FNBP4: variants seen among roughly 807,000 people sequenced by gnomAD.
FNBP4 encodes the protein formin binding protein 4.
Under a neutral mutation model 119.3 loss-of-function variants are expected in FNBP4, and 34 were observed. That is an observed-to-expected ratio of 0.28 (90% CI 0.22 to 0.38). FNBP4 has a LOEUF of 0.38. FNBP4 is among the 10% of genes least tolerant of loss of function. The pLI is 1.00. For missense variants in FNBP4, 1,112 were observed against 1,228.9 expected, an observed-to-expected ratio of 0.90 and a Z score of 1.42; for synonymous variants, 462 against 430.6, an observed-to-expected ratio of 1.07 and a Z score of -0.90.
chr11:47,761,219 G>A (rs535190817), intron 2 of FNBP4, among the ~76,000 whole-genome samples: 2 of 152,270 alleles, frequency 1.3e-5, no homozygotes, highest in South Asian at 2.1e-4. Context: ...AAAATACAGT[G>A]TATATACTGT....
intron 15 of FNBP4, among the ~76,000 whole-genome samples, chr11:47,722,562 C>A (rs1182625953): frequency 1.3e-5 from 2 of 151,844 alleles, no homozygotes; most frequent in African/African-American, 4.8e-5. Flanking sequence ...TAAGGTCCCC[C>A]CACTGAGAAA....
chr11:47,731,263 T>C (rs2097567057), intron 12 of FNBP4, 111 bp downstream of exon 12: 5 of 1,080,778 alleles, frequency 4.6e-6, no homozygotes, highest in Non-Finnish European at 6.5e-6. Context: ...ACCACTATTC[T>C]CAATCAGAAG....
intron 6 of FNBP4, among the ~76,000 whole-genome samples, chr11:47,747,598 T>C (rs1326445724): frequency 6.6e-6 from 1 of 151,802 alleles, no homozygotes; most frequent in Non-Finnish European, 1.5e-5. Context: ...TGAGCCACCA[T>C]GCTGGGCCTG....
At chr11:47,738,773 T>C (rs944824087) in intron 8 of FNBP4, among the ~76,000 whole-genome samples, 1 of 150,470 alleles carries the variant, frequency 6.6e-6, no homozygotes. Context: ...CTCAACCTCC[T>C]GGGTTCAAGC....
At chr11:47,746,468 AC>A (rs1426197153) in intron 6 of FNBP4, 74 bp from the exon 7 acceptor site, 1 of 1,246,214 alleles carries the variant, frequency 8.0e-7, no homozygotes, top group Admixed American at 2.7e-5. Context: ...TCAATTGCAC[AC>A]ACATTCATAT....
At chr11:47,752,768 C>T (rs915827544) in intron 4 of FNBP4, 148 bp downstream of exon 4, 13 of 661,596 alleles carry the variant, frequency 2.0e-5, no homozygotes, top group South Asian at 1.3e-4. Context: ...GAGCCAAGAT[C>T]GCGCCAGTGC....
rs2097551092 is a variant in FNBP4, at chr11:47,717,408, T to A, written c.*14A>T. ...AACAAACAATAATACAAAAAAGTTT[T>A]AAAAACTTAAAAACTATGTGTTTGG... On this transcript the variant is annotated 3_prime_UTR_variant, in exon 17 of 17. Transcript: ENST00000263773. 2 of 1,591,238 alleles carry A rather than the reference T, an allele frequency of 1.3e-6. No homozygotes were observed. Among genetic ancestry groups the A allele is most frequent in the African/African-American group, 1.3e-5 (1 of 74,352 alleles).
rs368993047 is a variant in FNBP4 at position 47,746,222 on chromosome 11, G to C, written c.1079C>G (p.Thr360Arg). 51 of 1,613,898 alleles carry C rather than the reference G, an allele frequency of 3.2e-5. No individual in the cohort carries two copies. Among genetic ancestry groups the C allele is most frequent in the Non-Finnish European group, 3.9e-5 (46 of 1,180,002 alleles). Reference protein sequence around the residue: ...EPVSEVKETSTTVEEATTIVK... With the variant: ...EPVSEVKETSRTVEEATTIVK... The stretch of plus-strand genomic sequence containing the variant: ...TATTGTTGTTGCTTCTTCTACTGTT[G>C]TACTTGTTTCTTTTACTTCTGAAAC... The change falls in exon 7 of 17, where the codon ACA becomes AGA. Residue 360 changes from threonine to arginine, a missense_variant. By Grantham distance (71) the Thr-to-Arg change is moderately conservative. This residue lies in a region of FNBP4 where 826 missense variants were observed against 988.8 expected (regional missense o/e 0.84). Transcript: ENST00000263773.
At chr11:47,755,286 C>G (rs1031605714) in intron 2 of FNBP4, among the ~76,000 whole-genome samples, 1 of 151,662 alleles carries the variant, frequency 6.6e-6, no homozygotes, top group Non-Finnish European at 1.5e-5. Flanking sequence ...CCTGTCTCTA[C>G]TAAAAATACA....
At chr11:47,743,697 T>C in intron 8 of FNBP4, 2 of 476,700 alleles carry the variant, frequency 4.2e-6, no homozygotes, top group Non-Finnish European at 7.6e-6. Context: ...CTGGGCAACG[T>C]AGACAGAGAG....
intron 12 of FNBP4, chr11:47,729,143 C>T: frequency 1.0e-6 from 1 of 984,920 alleles, no homozygotes; most frequent in Non-Finnish European, 1.2e-6. Context: ...TGAGCCACTG[C>T]ACCCGGCCTA....
Position 47,717,164 on chromosome 11 carries a change from T to C in FNBP4, c.*258A>G. On this transcript the variant is annotated 3_prime_UTR_variant, in exon 17 of 17. Transcript: ENST00000263773. The stretch of plus-strand genomic sequence containing the variant: ...TGTTCTTCAAGACTGATGAGGTTAA[T>C]ACACCTAACATGCTAAGTTTGCCAG... 2.4e-6 allele frequency: 1 copy of C among 408,520 alleles called. No homozygotes were observed. Among genetic ancestry groups the C allele is most frequent in the Non-Finnish European group, 4.4e-6 (1 of 225,756 alleles). 25.3% of individuals were successfully genotyped at this position (408,520 alleles called of 1,614,324 possible). A position where few individuals can be genotyped will look rare whatever the true frequency, so the allele number is the denominator to read the frequency against.
intron 8 of FNBP4, among the ~76,000 whole-genome samples, chr11:47,740,710 A>G (rs976359387): frequency 1.3e-5 from 2 of 151,562 alleles, no homozygotes; most frequent in Non-Finnish European, 2.9e-5. Flanking sequence ...TTCCTGCCTC[A>G]GTCTCCCAAG....
At position 47,723,214 on chromosome 11, in the gene FNBP4, A is replaced by G. The variant is rs748543947; in HGVS notation, c.2567T>C (p.Met856Thr). The G allele has an allele frequency of 1.5e-5, 24 of 1,614,080 alleles. No homozygotes were observed. The highest frequency in any genetic ancestry group is 1.9e-5 in the Non-Finnish European group (23 of 1,180,044). ...TCCAAGGTAATTTGACTGCAGGCTC[A>G]TTCCTCTGGCCTGATGACCCATTCC... The part of the protein sequence containing the change: ...AAGMGHQARG[M>T]SLQSNYLGLA... Residue 856 changes from methionine to threonine, a missense_variant, in exon 15 of 17, where the codon ATG becomes ACG. This residue lies in a region of FNBP4 where 826 missense variants were observed against 988.8 expected (regional missense o/e 0.84). Transcript: ENST00000263773.
chr11:47,719,568 ATGTGTGTATGTGTG>A (rs760884947), intron 16 of FNBP4, among the ~76,000 whole-genome samples: 8 of 104,822 alleles, frequency 7.6e-5, no homozygotes, highest in African/African-American at 1.1e-4. Flanking sequence ...TTAATATGTT[ATGTGTGTATGTGTG>A]TGTGTGTGTG....
intron 7 of FNBP4, among the ~76,000 whole-genome samples, chr11:47,744,417 GCA>G (rs1363103508): frequency 1.6e-5 from 2 of 128,106 alleles, no homozygotes; most frequent in Non-Finnish European, 3.7e-5. Context: ...GGAACTACAG[GCA>G]CATGTCATCA....
At chr11:47,740,080 G>T (rs1315731511) in intron 8 of FNBP4, among the ~76,000 whole-genome samples, 2 of 151,848 alleles carry the variant, frequency 1.3e-5, no homozygotes, top group Non-Finnish European at 2.9e-5. Context: ...GATTATAGGC[G>T]TGAGCCAGGC....
rs2097602608 is a variant in FNBP4 at position 47,751,142 on chromosome 11, C to T, written c.785+1G>A. The T allele has an allele frequency of 2.5e-6, 4 of 1,613,972 alleles. No individual in the cohort carries two copies. Among genetic ancestry groups the T allele is most frequent in the African/African-American group, 1.3e-5 (1 of 74,900 alleles). Reference sequence around the variant, plus strand: ...AATTTCACTTTTAAATTTATTCTTACCTGGGCTGGTAATGCTGTAATCCCT... The same window carrying T: ...AATTTCACTTTTAAATTTATTCTTATCTGGGCTGGTAATGCTGTAATCCCT... On this transcript the variant is annotated splice_donor_variant, in intron 5 of 16. Coordinates refer to ENST00000263773, the MANE Select transcript of FNBP4 (RefSeq NM_015308.5). LOFTEE classifies it high-confidence loss of function.
intron 2 of FNBP4, among the ~76,000 whole-genome samples, chr11:47,757,648 C>T (rs1386620270): frequency 2.0e-5 from 3 of 152,028 alleles, no homozygotes; most frequent in Non-Finnish European, 4.4e-5. Context: ...TGTGCACCAC[C>T]ACACCTGGGT....
Sources: allele counts gnomAD v4.1 joint callset (sites outside exome capture counted in the v4.1 genomes callset), GRCh38; gene constraint gnomAD v4.1.1; regional missense constraint gnomAD v4.1.1; transcripts MANE v1.5; gene names NCBI Gene and HGNC (gene_info 2026-07-23, HGNC 2026-07-21).